Variants in SMG6 observed in about 807,000 individuals in gnomAD.
SMG6 encodes the protein SMG6 nonsense mediated mRNA decay factor.
In SMG6, 66 loss-of-function variants were observed where a neutral mutation model predicts 142.2. The ratio of observed to expected loss-of-function variants is 0.46; its 90% confidence interval spans 0.38 to 0.57. SMG6 has a LOEUF of 0.57. Among genes scored for constraint, SMG6 ranks in the 20% least tolerant of loss-of-function variants. The pLI is 0.00. For missense variants in SMG6, 1,793 were observed against 1,832.0 expected (o/e 0.98, Z 0.39); for synonymous variants, 779 against 702.4 (o/e 1.11, Z -1.72).
chr17:2,252,136 G>A (rs216221), intron 8 of SMG6, among the ~76,000 whole-genome samples: 96,158 of 151,070 alleles, frequency 0.64, 30,758 homozygotes, highest in East Asian at 0.75. Context: ...GAAGGAGGCC[G>A]GGCACGGTGG....
At chr17:2,154,771 G>A (rs1269084233) in intron 13 of SMG6, among the ~76,000 whole-genome samples, 1 of 152,134 alleles carries the variant, frequency 6.6e-6, no homozygotes. Context: ...GGACAGCATG[G>A]TGGCTGTAAT....
At chr17:2,213,210 T>C (rs1190695537) in intron 10 of SMG6, among the ~76,000 whole-genome samples, 1 of 152,262 alleles carries the variant, frequency 6.6e-6, no homozygotes, top group East Asian at 1.9e-4. Context: ...GAGGCAGAAC[T>C]GCTCTGCTGA....
At chr17:2,191,243 G>A (rs1205855322) in intron 10 of SMG6, among the ~76,000 whole-genome samples, 7 of 152,198 alleles carry the variant, frequency 4.6e-5, no homozygotes, top group Admixed American at 2.0e-4. Flanking sequence ...TTGGCCTCAC[G>A]TAGGCTTCCA....
chr17:2,263,763 TCAAA>T (rs1312265500), intron 8 of SMG6, among the ~76,000 whole-genome samples: 12 of 151,150 alleles, frequency 7.9e-5, no homozygotes, highest in Admixed American at 6.6e-4. Context: ...CCCCCTGGAG[TCAAA>T]CAAACAGCCC....
chr17:2,134,236 G>A (rs557108339), intron 13 of SMG6, among the ~76,000 whole-genome samples: 5 of 151,574 alleles, frequency 3.3e-5, no homozygotes, highest in Non-Finnish European at 5.9e-5. Flanking sequence ...TGTCCAATAC[G>A]GTGAAACCCC....
In SMG6 at chr17:2,300,664, T is replaced by C. The variant is rs766913567; in HGVS notation, c.89A>G (p.Glu30Gly). ...GGCCTCCTTTAATTCCTTCATGTTT[T>C]CTGTTATGTCGGGGAAAGAGTTTGG... ...ATLAPQAGSR[E>G]NMKELKEARP... Residue 30 changes from glutamate (E) to glycine (G), a missense_variant and splice_region_variant, in exon 2 of 19, where the codon GAA becomes GGA. Coordinates refer to ENST00000263073, the MANE Select transcript of SMG6 (RefSeq NM_017575.5). 6.4e-7 allele frequency: 1 copy of C among 1,570,624 alleles called. No homozygotes were observed. Among genetic ancestry groups the C allele is most frequent in the South Asian group, 1.2e-5 (1 of 83,792 alleles).
At chr17:2,231,829 T>C (rs969970298) in intron 10 of SMG6, among the ~76,000 whole-genome samples, 74 of 152,148 alleles carry the variant, frequency 4.9e-4, no homozygotes, top group African/African-American at 1.5e-3. Flanking sequence ...GAAGTGTCTC[T>C]TGGGTGCCCT....
intron 13 of SMG6, among the ~76,000 whole-genome samples, chr17:2,161,927 A>G (rs2071191543): frequency 6.6e-6 from 1 of 152,156 alleles, no homozygotes; most frequent in African/African-American, 2.4e-5. Flanking sequence ...TTAAATATCT[A>G]TGAAATGATA....
At chr17:2,229,150 T>C (rs919327328) in intron 10 of SMG6, among the ~76,000 whole-genome samples, 4 of 152,200 alleles carry the variant, frequency 2.6e-5, no homozygotes, top group African/African-American at 9.7e-5. Flanking sequence ...CAACTAGTCA[T>C]GGACTGCGCT....
chr17:2,199,209 A>G (rs1173806452), intron 10 of SMG6, among the ~76,000 whole-genome samples: 1 of 152,244 alleles, frequency 6.6e-6, no homozygotes, highest in Admixed American at 6.5e-5. Context: ...TGGTATGCAC[A>G]TTCTTCAAGA....
At chr17:2,278,833 A>T (rs2074718488) in intron 8 of SMG6, among the ~76,000 whole-genome samples, 1 of 152,202 alleles carries the variant, frequency 6.6e-6, no homozygotes, top group Non-Finnish European at 1.5e-5. Flanking sequence ...CAAAAAAATT[A>T]AAAGCCCTCA....
Position 2,297,325 on chromosome 17 carries a change from T to C in SMG6, c.2069A>G (p.Gln690Arg). Residue 690 changes from glutamine (Q) to arginine (R), a missense_variant, in exon 4 of 19, where the codon CAG becomes CGG. Physicochemically the swap from Gln to Arg is conservative, Grantham distance 43 (BLOSUM62 1). Transcript: ENST00000263073. ...EGSDFFDSLL[Q>R]KLQVTYKFKL... The stretch of plus-strand genomic sequence containing the variant: ...GAACTTGTAAGTAACCTGCAGCTTC[T>C]GAAGCAAACTATCAAAGAAGTCACT... The C allele has an allele frequency of 6.2e-7, 1 of 1,612,516 alleles. No homozygotes were observed. The highest frequency in any genetic ancestry group is 8.5e-7 in the Non-Finnish European group (1 of 1,179,280).
At chr17:2,079,565 GGTGGAGGTTGCA>G (rs1567579919) in intron 15 of SMG6, among the ~76,000 whole-genome samples, 1 of 151,860 alleles carries the variant, frequency 6.6e-6, no homozygotes, top group African/African-American at 2.4e-5. Context: ...GAACCTGGGA[GGTGGAGGTTGCA>G]GTGAGCTGAG....
Position 2,186,804 on chromosome 17 carries a change from T to C in SMG6, c.3014A>G (p.Asp1005Gly). The change falls in exon 12 of 19, where the codon GAT (aspartate) becomes GGT (glycine). Residue 1005 changes from aspartate to glycine, a missense_variant. By Grantham distance (94) the Asp-to-Gly change is moderately conservative. This residue lies in a region of SMG6 where 1,597 missense variants were observed against 1,584.6 expected (regional missense o/e 1.01). Transcript: ENST00000263073. ...AGACACCTTGATGTCGTCTTGGTCA[T>C]CCTGGTCCTCAGGAGAGGACAGCTG... ...KAQLSSPEDQ[D>G]DQDDIKVSSF... is the part of the protein sequence containing the mutation. The C allele has an allele frequency of 4.3e-6, 7 of 1,614,186 alleles. No individual in the cohort carries two copies. Among genetic ancestry groups the C allele is most frequent in the Non-Finnish European group, 5.9e-6 (7 of 1,180,032 alleles).
At chr17:2,237,090 T>A (rs770343933) in intron 9 of SMG6, 2,916 of 61,394 alleles carry the variant, frequency 0.047, 55 homozygotes, top group South Asian at 0.11. Flanking sequence ...AAAAAAAAAA[T>A]TTTTTTTTTT....
chr17:2,256,862 ATGT>A (rs1430750794), intron 8 of SMG6, among the ~76,000 whole-genome samples: 3 of 152,114 alleles, frequency 2.0e-5, no homozygotes, highest in Non-Finnish European at 4.4e-5. Flanking sequence ...AAAGAGATGA[ATGT>A]TGTAGGGAAA....
intron 13 of SMG6, among the ~76,000 whole-genome samples, chr17:2,130,343 A>T (rs1265698208): frequency 4.0e-5 from 6 of 151,604 alleles, no homozygotes; most frequent in Admixed American, 2.6e-4. Flanking sequence ...TACTTAAATT[A>T]GTAACAAAAT....
intron 13 of SMG6, among the ~76,000 whole-genome samples, chr17:2,148,050 GTGTGGTGGTGCGCACC>G (rs1469625803): frequency 6.6e-6 from 1 of 152,106 alleles, no homozygotes; most frequent in African/African-American, 2.4e-5. Flanking sequence ...ACTTAGCTGG[GTGTGGTGGTGCGCACC>G]TGTGGTCCCA....
intron 13 of SMG6, among the ~76,000 whole-genome samples, chr17:2,125,656 A>G (rs2069848800): frequency 6.6e-6 from 1 of 152,226 alleles, no homozygotes; most frequent in South Asian, 2.1e-4. Flanking sequence ...ACATCTTAAA[A>G]TTCATATGGA....
Sources: gnomAD v4.1 joint callset for allele counts (sites outside exome capture counted in the v4.1 genomes callset) on GRCh38, gnomAD v4.1.1 for gene constraint, gnomAD v4.1.1 regional missense constraint, MANE v1.5 for transcripts, NCBI Gene and HGNC (gene_info 2026-07-23, HGNC 2026-07-21) for gene names.